The following SUMF1 variants were observed in gnomAD, a reference collection of about 807,000 sequenced individuals.
SUMF1 encodes formylglycine-generating enzyme.
In SUMF1, 48 loss-of-function variants were observed where a neutral mutation model predicts 47.6. The observed-to-expected ratio is 1.01, with a 90% CI of 0.80 to 1.28. The LOEUF is 1.28. Ranked by LOEUF, SUMF1 falls within the 50% of genes most tolerant of loss-of-function variation. The pLI is 0.00. For missense variants in SUMF1, 571 were observed against 485.4 expected (o/e 1.18, Z -1.66); for synonymous variants, 230 against 192.1 (o/e 1.20, Z -1.63).
intron 8 of SUMF1, among the ~76,000 whole-genome samples, chr3:4,102,498 G>C (rs1341387483): frequency 6.6e-6 from 1 of 152,210 alleles, no homozygotes. Flanking sequence ...TCAGTAGTGA[G>C]GGTAAACTCT....
chr3:4,192,774 A>G (rs1485252), intron 8 of SUMF1, among the ~76,000 whole-genome samples: 103,362 of 151,920 alleles, frequency 0.68, 35,293 homozygotes, highest in African/African-American at 0.71. Flanking sequence ...ACTGAGTTCA[A>G]TCATGTGACC....
chr3:4,420,639 G>A (rs960945437), intron 3 of SUMF1, among the ~76,000 whole-genome samples: 5 of 151,944 alleles, frequency 3.3e-5, no homozygotes, highest in Non-Finnish European at 4.4e-5. Flanking sequence ...CTTGTGATCC[G>A]CCCGCCTCGG....
At chr3:4,448,286 G>T (rs993864904) in intron 3 of SUMF1, among the ~76,000 whole-genome samples, 1 of 152,070 alleles carries the variant, frequency 6.6e-6, no homozygotes, top group Non-Finnish European at 1.5e-5. Flanking sequence ...GGACAGTTTC[G>T]TTTTTCTTGC....
chr3:4,327,312 T>C (rs1698965843), intron 8 of SUMF1, among the ~76,000 whole-genome samples: 1 of 152,166 alleles, frequency 6.6e-6, no homozygotes, highest in African/African-American at 2.4e-5. Context: ...CTCTCTAGCC[T>C]AATGGCACAA....
At chr3:4,362,491 A>G (rs1287003652) in intron 8 of SUMF1, among the ~76,000 whole-genome samples, 2 of 152,256 alleles carry the variant, frequency 1.3e-5, no homozygotes, top group Non-Finnish European at 2.9e-5. Context: ...TCAGCATTAG[A>G]TATAACAGCA....
chr3:4,283,238 A>G (rs1339597863), intron 8 of SUMF1, among the ~76,000 whole-genome samples: 1 of 152,258 alleles, frequency 6.6e-6, no homozygotes, highest in Non-Finnish European at 1.5e-5. Flanking sequence ...AATGAAGCAC[A>G]GAAAACCTTG....
rs77560425 is a variant in SUMF1, at chr3:4,123,758, T to C, written c.1015-55013A>G. 9.9e-3 allele frequency among the ~76,000 whole-genome samples: 1,515 copies of C among 152,276 alleles called. 26 individuals carry two copies. Among genetic ancestry groups the C allele is most frequent in the African/African-American group, 0.033 (1,384 of 41,532 alleles). ...GTCATTTCAACTATTTGCACCTTGATTTTCTCTAAATAATGGGAAAAATGA... is the reference window on the plus strand; with the variant it reads ...GTCATTTCAACTATTTGCACCTTGACTTTCTCTAAATAATGGGAAAAATGA... On this transcript the variant is annotated intron_variant and NMD_transcript_variant, in intron 8 of 12. Transcript: ENST00000448413.
intron 8 of SUMF1, among the ~76,000 whole-genome samples, chr3:4,255,721 A>G (rs1696935827): frequency 7.3e-6 from 1 of 136,708 alleles, no homozygotes; most frequent in Non-Finnish European, 1.6e-5. Flanking sequence ...CAGAAAGTCA[A>G]CAAGGATACC....
chr3:4,273,125 C>CATAT (rs746921832), intron 8 of SUMF1, among the ~76,000 whole-genome samples: 7 of 147,208 alleles, frequency 4.8e-5, no homozygotes, highest in Non-Finnish European at 7.5e-5. Context: ...TATACACACA[C>CATAT]ATATATATAT....
At chr3:4,180,244 C>G (rs567755529) in intron 8 of SUMF1, among the ~76,000 whole-genome samples, 1 of 152,148 alleles carries the variant, frequency 6.6e-6, no homozygotes, top group Non-Finnish European at 1.5e-5. Context: ...CATATGCACA[C>G]GTATGTTTAT....
chr3:4,405,707 A>T (rs17705513), intron 7 of SUMF1, among the ~76,000 whole-genome samples: 4,334 of 152,296 alleles, frequency 0.028, 96 homozygotes, highest in African/African-American at 0.063. Context: ...TCAATTCCAT[A>T]CATCAAACAA....
chr3:4,434,741 T>C (rs373557018), intron 3 of SUMF1, among the ~76,000 whole-genome samples: 4 of 151,466 alleles, frequency 2.6e-5, no homozygotes, highest in African/African-American at 9.7e-5. Flanking sequence ...ATGAACAGAG[T>C]TGCAGAATGA....
chr3:4,047,230 T>C (rs970228665), intron 9 of SUMF1, among the ~76,000 whole-genome samples: 2 of 152,138 alleles, frequency 1.3e-5, no homozygotes, highest in Non-Finnish European at 2.9e-5. Flanking sequence ...TTGTACTCTG[T>C]TTTACTTTTG....
chr3:4,069,271 C>T (rs905017530), intron 8 of SUMF1, among the ~76,000 whole-genome samples: 3 of 152,084 alleles, frequency 2.0e-5, no homozygotes, highest in African/African-American at 7.2e-5. Flanking sequence ...TCTTAGGGCC[C>T]TGCAAGGGAG....
At chr3:4,196,052 G>T (rs919487764) in intron 8 of SUMF1, among the ~76,000 whole-genome samples, 2 of 152,140 alleles carry the variant, frequency 1.3e-5, no homozygotes, top group East Asian at 3.9e-4. Context: ...TGATTAAATG[G>T]TATAGCATTA....
At position 4,367,567 on chromosome 3, in the gene SUMF1, A is replaced by G. The variant is rs891040073; in HGVS notation, c.1015-5313T>C. On this transcript the variant is annotated intron_variant, in intron 8 of 8. Transcript: ENST00000272902. ...AAAAGAACAAAGCTGGAGGCATCAC[A>G]CTACCTGACTTCAAACTATACTACA... Among the ~76,000 whole-genome samples, 127 of 151,972 alleles carry G rather than the reference A, an allele frequency of 8.4e-4. 1 individual carries two copies. Among genetic ancestry groups the G allele is most frequent in the Non-Finnish European group, 1.5e-3 (100 of 67,928 alleles).
At chr3:4,193,395 T>TAAGATA (rs1198553873) in intron 8 of SUMF1, among the ~76,000 whole-genome samples, 1 of 152,018 alleles carries the variant, frequency 6.6e-6, no homozygotes. Flanking sequence ...TTTATCAGAC[T>TAAGATA]TGAGGGGATC....
At chr3:4,100,236 A>G (rs1329573218) in intron 8 of SUMF1, among the ~76,000 whole-genome samples, 1 of 151,992 alleles carries the variant, frequency 6.6e-6, no homozygotes, top group Admixed American at 6.6e-5. Context: ...AGCCAAAGCA[A>G]TCGTGACCAA....
intron 2 of SUMF1, among the ~76,000 whole-genome samples, chr3:4,449,807 T>C (rs962642725): frequency 2.0e-5 from 3 of 152,226 alleles, no homozygotes; most frequent in Admixed American, 1.3e-4. Context: ...AACTGGCCAA[T>C]TCAAGCATCA....
Sources: allele counts gnomAD v4.1 joint callset (sites outside exome capture counted in the v4.1 genomes callset), GRCh38; gene constraint gnomAD v4.1.1; transcripts MANE v1.5; gene names NCBI Gene and HGNC (gene_info 2026-07-23, HGNC 2026-07-21).